Variants in MAX observed in about 807,000 individuals in gnomAD.
The protein encoded by MAX is protein max.
Under a neutral mutation model 22.3 loss-of-function variants are expected in MAX, and 3 were observed. That is an observed-to-expected ratio of 0.13 (90% CI 0.06 to 0.35). The LOEUF is 0.35. MAX is among the 10% of genes least tolerant of loss of function. MAX has a pLI of 1.00. For missense variants in MAX, 119 were observed against 209.4 expected (o/e 0.57, Z 2.66); for synonymous variants, 72 against 77.7 (o/e 0.93, Z 0.39).
chr14:65,064,122 C>G (rs1291688258), intron 3 of MAX, among the ~76,000 whole-genome samples: 1 of 152,124 alleles, frequency 6.6e-6, no homozygotes, highest in Non-Finnish European at 1.5e-5. Context: ...TACCAGTAAA[C>G]AATAGTTCCA....
intron 3 of MAX, among the ~76,000 whole-genome samples, chr14:65,037,402 CCTTTTTTTTTTTTTTTTTTTTTTTTTTTT>C (rs1371527116): frequency 1.5e-3 from 22 of 14,534 alleles, no homozygotes; most frequent in African/African-American, 4.4e-3. Flanking sequence ...CACGCCGGGC[CCTTTTTTTTTTTTTTTTTTTTTTTTTTTT>C]TTTTTTTTTT....
At chr14:65,058,949 T>C (rs1168171321) in intron 3 of MAX, among the ~76,000 whole-genome samples, 1 of 152,210 alleles carries the variant, frequency 6.6e-6, no homozygotes, top group Admixed American at 6.5e-5. Context: ...TATTGTCCTT[T>C]TCCAGTGTTT....
intron 2 of MAX, among the ~76,000 whole-genome samples, chr14:65,098,388 T>C (rs745831766): frequency 6.6e-6 from 1 of 152,184 alleles, no homozygotes; most frequent in South Asian, 2.1e-4. Flanking sequence ...GTTAAAAATA[T>C]TTCATGCCAG....
Position 65,044,498 on chromosome 14 carries a change from A to G in MAX, c.172-38214T>C. The G allele has an allele frequency of 3.2e-6, 5 of 1,565,400 alleles. No individual in the cohort carries two copies. The South Asian group carries it at 3.6e-5, about 11-fold the overall frequency. On this transcript the variant is annotated intron_variant, in intron 3 of 3. Transcript: ENST00000341653. The surrounding 1 kb of genome is among the most constrained non-coding windows in gnomAD (Gnocchi z 5.5). ...TGGATGATTTCCCTCCACTACTCAC[A>G]AAGTCTGGAAGCCCAGCGTGCTTTT... is the stretch of plus-strand genomic sequence containing the variant.
At chr14:65,008,570 A>G (rs1024525479) in intron 3 of MAX, among the ~76,000 whole-genome samples, 1 of 152,242 alleles carries the variant, frequency 6.6e-6, no homozygotes, top group African/African-American at 2.4e-5. Context: ...GAAGTTAGGG[A>G]AGGCTTCTTA....
At chr14:65,053,143 A>C in intron 3 of MAX, 55 of 977,014 alleles carry the variant, frequency 5.6e-5, no homozygotes, top group South Asian at 8.8e-5. Flanking sequence ...GGGAGCAGGA[A>C]ACCTTGACTA....
intron 3 of MAX, among the ~76,000 whole-genome samples, chr14:65,018,221 G>C (rs1478729978): frequency 6.6e-6 from 1 of 152,028 alleles, no homozygotes; most frequent in East Asian, 1.9e-4. Flanking sequence ...CACACTTCTA[G>C]TTCTAGCTGC....
rs145823255 is a variant in MAX, at chr14:65,014,717, G to A, written c.172-8433C>T. Among the ~76,000 whole-genome samples the A allele has an allele frequency of 5.4e-3, 819 of 152,276 alleles. 5 individuals are homozygous for A. Among genetic ancestry groups the A allele is most frequent in the African/African-American group, 0.019 (794 of 41,558 alleles). ...TAGTCCCAGCTACTTAGGAGGCTGA[G>A]GTGGGAGGATTGCTTGAGCCCGGGA... On this transcript the variant is annotated intron_variant, in intron 3 of 3. Coordinates refer to the MAX transcript ENST00000341653. The surrounding 1 kb of genome is among the most constrained non-coding windows in gnomAD (Gnocchi z 5.1).
chr14:65,040,257 A>G (rs76772442), intron 3 of MAX, among the ~76,000 whole-genome samples: 18,589 of 148,916 alleles, frequency 0.12, 1,257 homozygotes, highest in Admixed American at 0.18. Flanking sequence ...CTATATATAT[A>G]TGTATATATA....
At chr14:65,040,947 T>C in intron 3 of MAX, 2 of 1,609,458 alleles carry the variant, frequency 1.2e-6, no homozygotes, top group South Asian at 2.2e-5. Context: ...CATCCCCCTC[T>C]CAGGCCCCAG....
chr14:65,052,826 G>C (rs889529419), intron 3 of MAX, among the ~76,000 whole-genome samples: 2 of 152,192 alleles, frequency 1.3e-5, no homozygotes, highest in Admixed American at 1.3e-4. Context: ...AATCAGTCTG[G>C]TTAACAAGTT....
At chr14:65,013,334 T>G (rs547825550) in intron 3 of MAX, among the ~76,000 whole-genome samples, 1 of 151,458 alleles carries the variant, frequency 6.6e-6, no homozygotes, top group South Asian at 2.1e-4. Flanking sequence ...CCTTTTTTTT[T>G]TTTCTTCCTC....
rs1453407236 is a variant in MAX, at chr14:65,054,861, C to A, written c.171+38847G>T. On this transcript the variant is annotated intron_variant, in intron 3 of 3. Coordinates refer to the MAX transcript ENST00000341653. This position sits in a 1 kb window ranked among gnomAD's most constrained non-coding sequence, Gnocchi z 4.4. ...AGTGAGGATGTGACCACAGAGGAGA[C>A]GCACCTCTGGGCAAGCTCAGGGTTC... is the stretch of plus-strand genomic sequence containing the variant. Among the ~76,000 whole-genome samples, 1 of 152,208 alleles carries A rather than the reference C, an allele frequency of 6.6e-6. No individual in the cohort carries two copies. The highest frequency in any genetic ancestry group is 1.5e-5 in the Non-Finnish European group (1 of 68,030).
intron 3 of MAX, among the ~76,000 whole-genome samples, chr14:65,057,075 T>A (rs2062752097): frequency 6.6e-6 from 1 of 152,028 alleles, no homozygotes; most frequent in Non-Finnish European, 1.5e-5. Context: ...AGAGCAAGAG[T>A]GAGAGCTCAC....
Position 65,077,683 on chromosome 14 carries a change from A to G in MAX, c.295+230T>C. 1 of 1,536,502 alleles carries G rather than the reference A, an allele frequency of 6.5e-7. No homozygotes were observed. Among genetic ancestry groups the G allele is most frequent in the South Asian group, 1.2e-5 (1 of 85,148 alleles). ...GGGGAGAGGTCAGGCCAGAAAAGAT[A>G]CAAGTCTCCAGATGTCCAACTTCCT... On this transcript the variant is annotated intron_variant, in intron 4 of 4. Transcript: ENST00000358664. This position sits in a 1 kb window ranked among gnomAD's most constrained non-coding sequence, Gnocchi z 6.3.
rs746183083 is a variant in MAX, at chr14:65,054,641, C to G, written c.171+39067G>C. The G allele has an allele frequency of 2.5e-6, 4 of 1,613,538 alleles. No homozygotes were observed. Among genetic ancestry groups the G allele is most frequent in the Non-Finnish European group, 3.4e-6 (4 of 1,179,832 alleles). On this transcript the variant is annotated intron_variant, in intron 3 of 3. Transcript: ENST00000341653. This position sits in a 1 kb window ranked among gnomAD's most constrained non-coding sequence, Gnocchi z 4.4. Reference sequence around the variant, plus strand: ...TGTCCATAGCCCAGCACTTCGGCAGCGGAGCCATGTTGCATGATGTGGTCC... The same window carrying G: ...TGTCCATAGCCCAGCACTTCGGCAGGGGAGCCATGTTGCATGATGTGGTCC...
intron 3 of MAX, among the ~76,000 whole-genome samples, chr14:65,059,207 G>A (rs898856461): frequency 5.3e-5 from 8 of 152,148 alleles, no homozygotes; most frequent in African/African-American, 1.9e-4. Flanking sequence ...ATTTTTTGTA[G>A]AGACAGGGTT....
chr14:65,013,616 C>A (rs918411014), intron 3 of MAX, among the ~76,000 whole-genome samples: 4 of 152,200 alleles, frequency 2.6e-5, no homozygotes, highest in Admixed American at 2.6e-4. Context: ...GTGGCATGAT[C>A]GTGAGTCACT....
intron 2 of MAX, among the ~76,000 whole-genome samples, chr14:65,098,894 G>A (rs1406069562): frequency 1.3e-5 from 2 of 152,080 alleles, no homozygotes; most frequent in Non-Finnish European, 2.9e-5. Context: ...ATGTAGTAAG[G>A]CCTATATATT....
Sources: allele counts gnomAD v4.1 joint callset (sites outside exome capture counted in the v4.1 genomes callset), GRCh38; gene constraint gnomAD v4.1.1; non-coding constraint Gnocchi (gnomAD v3.1); transcripts MANE v1.5; gene names NCBI Gene and HGNC (gene_info 2026-07-23, HGNC 2026-07-21).